The following SORL1 variants were observed in gnomAD, a reference collection of about 807,000 sequenced individuals.
SORL1 encodes the protein sortilin-related receptor.
In SORL1, 127 loss-of-function variants were observed where a neutral mutation model predicts 273.7. The observed-to-expected ratio is 0.46, with a 90% CI of 0.40 to 0.54. The LOEUF is 0.54. SORL1 is among the 20% of genes least tolerant of loss of function. The probability of loss-of-function intolerance (pLI) is 0.00; values close to 1 mark genes in which losing one functional copy is unlikely to be tolerated. For synonymous variants in SORL1, 1,031 were observed against 1,067.4 expected, an observed-to-expected ratio of 0.97 and a Z score of 0.66; for missense variants, 2,494 against 2,846.1, an observed-to-expected ratio of 0.88 and a Z score of 2.81.
chr11:121,577,380 C>T lies in SORL1; in HGVS notation c.3560C>T (p.Ser1187Phe), dbSNP rs1341358003. Residue 1187 changes from serine (S) to phenylalanine (F), a missense_variant, in exon 25 of 48, where the codon TCT becomes TTT. Physicochemically the swap from Ser to Phe is radical, Grantham distance 155 (BLOSUM62 -2). This residue lies in a region of SORL1 where 1,609 missense variants were observed against 1,816.4 expected (regional missense o/e 0.89). Transcript: ENST00000260197. ...CDGDNDCRDW[S>F]DEANCTAIYH... ...GGGGACAACGACTGCAGGGACTGGT[C>T]TGATGAAGCCAACTGTACCGGTCAG... 9 of 1,610,768 alleles carry T rather than the reference C, an allele frequency of 5.6e-6. No homozygotes were observed. Among genetic ancestry groups the T allele is most frequent in the Admixed American group, 1.7e-5 (1 of 59,426 alleles).
At chr11:121,539,877 TATTTATTCTATTG>T (rs1158447748) in intron 12 of SORL1, among the ~76,000 whole-genome samples, 27 of 152,220 alleles carry the variant, frequency 1.8e-4, no homozygotes, top group African/African-American at 5.3e-4. Flanking sequence ...TGTCTGCTAT[TATTTATTCTATTG>T]GCCATCAGAG....
chr11:121,613,705 C>G (rs1010713750), intron 40 of SORL1, among the ~76,000 whole-genome samples: 1 of 152,176 alleles, frequency 6.6e-6, no homozygotes, highest in African/African-American at 2.4e-5. Context: ...TTTACAGAGG[C>G]AAAACTGAAG....
intron 42 of SORL1, 72 bp downstream of exon 42, chr11:121,618,965 C>T: frequency 1.3e-6 from 2 of 1,552,286 alleles, no homozygotes; most frequent in African/African-American, 1.4e-5. Context: ...AACCCAGGAC[C>T]TGGGGAGCTT....
chr11:121,514,061 C>A, intron 7 of SORL1, 91 bp from the exon 8 acceptor site: 1 of 1,383,056 alleles, frequency 7.2e-7, no homozygotes, highest in Non-Finnish European at 9.9e-7. Flanking sequence ...ATCGCTAGAA[C>A]ATTTGAAAGT....
chr11:121,503,024 C>T (rs1328105569), intron 6 of SORL1, among the ~76,000 whole-genome samples: 1 of 152,008 alleles, frequency 6.6e-6, no homozygotes, highest in Non-Finnish European at 1.5e-5. Context: ...GCATGTGCCA[C>T]CATACCTGTT....
At chr11:121,479,094 C>T (rs765027703) in intron 3 of SORL1, among the ~76,000 whole-genome samples, 1 of 152,090 alleles carries the variant, frequency 6.6e-6, no homozygotes, top group South Asian at 2.1e-4. Flanking sequence ...AAAAGAAAAC[C>T]AAGGCAGCAG....
Position 121,496,863 on chromosome 11 carries a change from TGC to T in SORL1, c.759-5_759-4del. The T allele has an allele frequency of 3.2e-6, 5 of 1,572,620 alleles. No individual in the cohort carries two copies. Among genetic ancestry groups the T allele is most frequent in the Admixed American group, 2.0e-5 (1 of 49,356 alleles). ...TGATAACAACCTTTTTTTTTTTTTCTGCCAGGGGAATTGATCCCTATGACAAA... is the reference window on the plus strand; with the variant it reads ...TGATAACAACCTTTTTTTTTTTTTCTCAGGGGAATTGATCCCTATGACAAA... On this transcript the variant is annotated splice_polypyrimidine_tract_variant and splice_region_variant and intron_variant, in intron 5 of 47. Transcript: ENST00000260197.
intron 23 of SORL1, among the ~76,000 whole-genome samples, chr11:121,573,083 A>G (rs1009846255): frequency 6.6e-6 from 1 of 152,220 alleles, no homozygotes; most frequent in Non-Finnish European, 1.5e-5. Flanking sequence ...GATTGTGCTT[A>G]AGCACAGGAA....
At chr11:121,575,350 C>A (rs4420280) in intron 24 of SORL1, among the ~76,000 whole-genome samples, 62,532 of 152,162 alleles carry the variant, frequency 0.41, 13,948 homozygotes, top group East Asian at 0.78. Flanking sequence ...ATTATGCAAT[C>A]AGCATGGTGT....
rs145548397 is a variant in SORL1 at position 121,559,358 on chromosome 11, G to A, written c.2911-161G>A. 5.3e-5 allele frequency among the ~76,000 whole-genome samples: 8 copies of A among 152,278 alleles called. No individual in the cohort carries two copies. In the East Asian group the frequency reaches 1.5e-3, roughly 29 times the overall value. ...CTGTGGGGTTATATGGTGAGGTTTGGATAAAATTGCTGTCCTTTGCATTTA... is the reference window on the plus strand; with the variant it reads ...CTGTGGGGTTATATGGTGAGGTTTGAATAAAATTGCTGTCCTTTGCATTTA... On this transcript the variant is annotated intron_variant, in intron 20 of 47. Transcript: ENST00000260197.
chr11:121,471,822 G>A (rs922461311), intron 2 of SORL1, among the ~76,000 whole-genome samples: 2 of 152,158 alleles, frequency 1.3e-5, no homozygotes, highest in Non-Finnish European at 2.9e-5. Flanking sequence ...CCCGGGGTGG[G>A]TTCTGAGCCA....
rs977501004 is a variant in SORL1, at chr11:121,621,328, G to A, written c.6064+90G>A. The stretch of plus-strand genomic sequence containing the variant: ...TCCAGAGACAGACTTTTCATTAGGC[G>A]TTTGTTTCACAGGGAGTGCAAACGC... On this transcript the variant is annotated intron_variant, in intron 44 of 47. Coordinates refer to ENST00000260197, the MANE Select transcript of SORL1 (RefSeq NM_003105.6). 32 of 1,219,146 alleles carry A rather than the reference G, an allele frequency of 2.6e-5. 1 individual carries two copies. The highest frequency in any genetic ancestry group is 2.6e-4 in the South Asian group (18 of 69,460). 75.5% of individuals were successfully genotyped at this position (1,219,146 alleles called of 1,614,324 possible). A position where few individuals can be genotyped will look rare whatever the true frequency, so the allele number is the denominator to read the frequency against.
chr11:121,472,673 A>G (rs1209743088), intron 2 of SORL1, among the ~76,000 whole-genome samples: 1 of 152,210 alleles, frequency 6.6e-6, no homozygotes. Context: ...CTAAGAGCCC[A>G]TTGAACATGT....
intron 8 of SORL1, among the ~76,000 whole-genome samples, chr11:121,516,292 G>A (rs191670792): frequency 1.1e-4 from 16 of 152,302 alleles, no homozygotes; most frequent in Non-Finnish European, 1.8e-4. Flanking sequence ...CGCTGGAAAT[G>A]GTCAGACCCT....
chr11:121,612,425 C>A, intron 39 of SORL1: 1 of 225,944 alleles, frequency 4.4e-6, no homozygotes, highest in East Asian at 1.2e-4. Context: ...ATTATCTTTC[C>A]AGTGTTTCCT....
chr11:121,473,545 G>T (rs577077353), intron 2 of SORL1, among the ~76,000 whole-genome samples: 16 of 151,510 alleles, frequency 1.1e-4, no homozygotes, highest in Non-Finnish European at 1.9e-4. Context: ...AAGTGCTCAG[G>T]TGCAACATAA....
chr11:121,583,624 G>A, intron 26 of SORL1, 41 bp downstream of exon 26: 8 of 1,572,248 alleles, frequency 5.1e-6, no homozygotes, highest in Non-Finnish European at 6.9e-6. Context: ...AGCCTCCCCA[G>A]TGTCTGCTGT....
rs3781830 is a variant in SORL1 at position 121,565,143 on chromosome 11, A to G, written c.3050-1797A>G. Among the ~76,000 whole-genome samples the G allele has an allele frequency of 5.3e-5, 8 of 152,214 alleles. No homozygotes were observed. In the East Asian group the frequency reaches 9.6e-4, roughly 18 times the overall value. Reference sequence around the variant, plus strand: ...GCTCTAGTCAGCTGGTTAGTCTGCTATGGTAATTAAGCTGTTATGATTGAT... The same window carrying G: ...GCTCTAGTCAGCTGGTTAGTCTGCTGTGGTAATTAAGCTGTTATGATTGAT... On this transcript the variant is annotated intron_variant, in intron 21 of 47. Coordinates refer to ENST00000260197, the MANE Select transcript of SORL1 (RefSeq NM_003105.6).
intron 3 of SORL1, among the ~76,000 whole-genome samples, chr11:121,486,066 T>C (rs145181095): frequency 1.3e-5 from 2 of 152,312 alleles, no homozygotes; most frequent in Non-Finnish European, 2.9e-5. Context: ...GCTGTGGCAC[T>C]GAAAGGTTTC....
Sources: gnomAD v4.1 joint callset for allele counts (sites outside exome capture counted in the v4.1 genomes callset) on GRCh38, gnomAD v4.1.1 for gene constraint, gnomAD v4.1.1 regional missense constraint, MANE v1.5 for transcripts, NCBI Gene and HGNC (gene_info 2026-07-23, HGNC 2026-07-21) for gene names.